The following AK5 variants were observed in gnomAD, a reference collection of about 807,000 sequenced individuals.
AK5 encodes adenylate kinase isoenzyme 5.
Under a neutral mutation model 69.5 loss-of-function variants are expected in AK5, and 27 were observed. The ratio of observed to expected loss-of-function variants is 0.39; its 90% confidence interval spans 0.29 to 0.54. The LOEUF is 0.54. Among genes scored for constraint, AK5 ranks in the 20% least tolerant of loss-of-function variants. The probability of loss-of-function intolerance (pLI) is 0.71; values close to 1 mark genes in which losing one functional copy is unlikely to be tolerated. For missense variants in AK5, 531 were observed against 700.4 expected (o/e 0.76, Z 2.73); for synonymous variants, 260 against 244.4 (o/e 1.06, Z -0.60).
intron 6 of AK5, among the ~76,000 whole-genome samples, chr1:77,381,189 AG>A (rs760914268): frequency 5.3e-5 from 8 of 152,040 alleles, no homozygotes; most frequent in Non-Finnish European, 8.8e-5. Flanking sequence ...GACCTTTGGG[AG>A]GTGATCAGGT....
At chr1:77,282,888 C>G in intron 1 of AK5, 1 of 986,254 alleles carries the variant, frequency 1.0e-6, no homozygotes, top group East Asian at 1.1e-4. Context: ...ATGCAAAAAG[C>G]AAAACCCAAC....
At chr1:77,483,404 C>T (rs200234721) in intron 9 of AK5, 45 bp downstream of exon 9, 3 of 1,450,838 alleles carry the variant, frequency 2.1e-6, no homozygotes, top group African/African-American at 1.4e-5. Flanking sequence ...ATTTTAGTAA[C>T]TTTGACCATG....
chr1:77,486,268 G>C (rs374568580), intron 9 of AK5, 40 bp from the exon 10 acceptor site: 3 of 1,412,486 alleles, frequency 2.1e-6, no homozygotes, highest in African/African-American at 1.4e-5. Flanking sequence ...CTTCAGTACA[G>C]TTTTTCTTGC....
chr1:77,424,690 A>G (rs1235939742), intron 8 of AK5, among the ~76,000 whole-genome samples: 1 of 152,192 alleles, frequency 6.6e-6, no homozygotes, highest in Non-Finnish European at 1.5e-5. Flanking sequence ...TCTGAGCTTG[A>G]GTATATGACA....
intron 6 of AK5, among the ~76,000 whole-genome samples, chr1:77,367,569 A>ATATATATATATATATATTATATATGT (rs1553139695): frequency 3.2e-4 from 10 of 31,642 alleles, no homozygotes; most frequent in East Asian, 2.2e-3. Context: ...ATATATATAT[A>ATATATATATATATATATTATATATGT]TATATATATA....
chr1:77,369,254 A>G (rs1018747061), intron 6 of AK5, among the ~76,000 whole-genome samples: 21 of 152,220 alleles, frequency 1.4e-4, no homozygotes, highest in African/African-American at 5.1e-4. Context: ...CAGGCTTCAA[A>G]CCAAGATCTG....
chr1:77,557,012 A>G (rs1660139580), intron 13 of AK5, among the ~76,000 whole-genome samples: 1 of 149,618 alleles, frequency 6.7e-6, no homozygotes, highest in Non-Finnish European at 1.5e-5. Context: ...GTTAGCATTT[A>G]GTTAAGCTCC....
intron 1 of AK5, chr1:77,283,752 G>C: frequency 2.1e-6 from 1 of 466,668 alleles, no homozygotes; most frequent in South Asian, 9.8e-5. Context: ...TGTTTTTTTT[G>C]TTTGTTTTTA....
In AK5 at chr1:77,486,438, G is replaced by A. The variant is rs528339085; in HGVS notation, c.1147+86G>A. The A allele has an allele frequency of 3.0e-5, 29 of 982,422 alleles. No homozygotes were observed. In the African/African-American group the frequency reaches 4.2e-4, roughly 14 times the overall value. The allele number at this position is 982,422 out of a possible 1,614,324, so 60.9% of individuals were successfully genotyped here. On this transcript the variant is annotated intron_variant, in intron 10 of 13. Transcript: ENST00000354567. ...GGGCCAGGTGCGGTGGCTTACACCT[G>A]TAATCCCAGCACTGTGGGAGGCCAA...
intron 5 of AK5, among the ~76,000 whole-genome samples, chr1:77,335,763 AT>A (rs34451301): frequency 2.6e-5 from 4 of 152,038 alleles, no homozygotes; most frequent in Non-Finnish European, 4.4e-5. Context: ...GCTATTTTGT[AT>A]TTTAATCTTT....
intron 6 of AK5, among the ~76,000 whole-genome samples, chr1:77,356,231 AAGAG>A (rs1189410821): frequency 6.6e-6 from 1 of 152,224 alleles, no homozygotes; most frequent in Non-Finnish European, 1.5e-5. Flanking sequence ...AAAGCTCTAT[AAGAG>A]AAAGTATTTT....
intron 8 of AK5, among the ~76,000 whole-genome samples, chr1:77,425,437 A>G (rs1359283152): frequency 1.3e-5 from 2 of 151,874 alleles, no homozygotes; most frequent in Non-Finnish European, 2.9e-5. Context: ...AATCCAAAAA[A>G]TTGGCCGGGT....
At chr1:77,433,511 T>G (rs1651774890) in intron 8 of AK5, among the ~76,000 whole-genome samples, 1 of 149,230 alleles carries the variant, frequency 6.7e-6, no homozygotes, top group Non-Finnish European at 1.5e-5. Flanking sequence ...AAAACTTTTG[T>G]GATAAAACCA....
At chr1:77,440,870 G>A (rs1339793281) in intron 8 of AK5, among the ~76,000 whole-genome samples, 1 of 152,056 alleles carries the variant, frequency 6.6e-6, no homozygotes, top group Non-Finnish European at 1.5e-5. Flanking sequence ...TTCTGCCTCA[G>A]CCTCCCAAGA....
At chr1:77,512,924 C>T (rs950039490) in intron 10 of AK5, among the ~76,000 whole-genome samples, 4 of 152,108 alleles carry the variant, frequency 2.6e-5, no homozygotes, top group African/African-American at 9.7e-5. Context: ...GGCAACTGAT[C>T]AGGTATGGGA....
At chr1:77,438,234 GA>G (rs1372907530) in intron 8 of AK5, among the ~76,000 whole-genome samples, 3 of 109,620 alleles carry the variant, frequency 2.7e-5, no homozygotes, top group African/African-American at 6.9e-5. Context: ...AAAAAAAGGA[GA>G]AAAAAAGAAG....
intron 5 of AK5, among the ~76,000 whole-genome samples, chr1:77,316,592 C>G (rs1385754734): frequency 6.6e-6 from 1 of 152,124 alleles, no homozygotes; most frequent in African/African-American, 2.4e-5. Context: ...CTAAGGGAGA[C>G]AAATTTGATT....
intron 13 of AK5, 139 bp from the exon 14 acceptor site, chr1:77,558,463 T>C: frequency 1.8e-6 from 1 of 551,806 alleles, no homozygotes; most frequent in East Asian, 3.0e-5. Context: ...CTCTTCACTT[T>C]TTTCTCTGTG....
chr1:77,455,716 C>T (rs922787386), intron 8 of AK5, among the ~76,000 whole-genome samples: 3 of 152,116 alleles, frequency 2.0e-5, no homozygotes, highest in Admixed American at 6.5e-5. Flanking sequence ...ACCCAATAGT[C>T]ATTACCCTAG....
Sources: gnomAD v4.1 joint callset for allele counts (sites outside exome capture counted in the v4.1 genomes callset) on GRCh38, gnomAD v4.1.1 for gene constraint, MANE v1.5 for transcripts, NCBI Gene and HGNC (gene_info 2026-07-23, HGNC 2026-07-21) for gene names.